The following NAV2 variants were observed in gnomAD, a reference collection of about 807,000 sequenced individuals.
NAV2 encodes neuron navigator 2.
Under a neutral mutation model 223.2 loss-of-function variants are expected in NAV2, and 54 were observed. The observed-to-expected ratio is 0.24, with a 90% CI of 0.19 to 0.30. The LOEUF is 0.30. NAV2 is among the 10% of genes least tolerant of loss of function. The probability of loss-of-function intolerance (pLI) is 1.00; values close to 1 mark genes in which losing one functional copy is unlikely to be tolerated. For synonymous variants in NAV2, 1,279 were observed against 1,239.3 expected, an observed-to-expected ratio of 1.03 and a Z score of -0.67; for missense variants, 2,806 against 3,147.5, an observed-to-expected ratio of 0.89 and a Z score of 2.60.
chr11:19,637,815 G>A (rs74329430), intron 1 of NAV2, among the ~76,000 whole-genome samples: 275 of 152,350 alleles, frequency 1.8e-3, no homozygotes, highest in African/African-American at 6.3e-3. Flanking sequence ...CCCAACACTG[G>A]GGATTACTTT....
intron 19 of NAV2, among the ~76,000 whole-genome samples, chr11:20,058,248 G>A (rs1216890623): frequency 1.3e-5 from 2 of 152,060 alleles, no homozygotes; most frequent in Non-Finnish European, 2.9e-5. Context: ...TGTATTATAC[G>A]CCATAAAGCA....
intron 3 of NAV2, among the ~76,000 whole-genome samples, chr11:19,852,950 C>T (rs972412948): frequency 2.0e-5 from 3 of 152,222 alleles, no homozygotes; most frequent in Non-Finnish European, 4.4e-5. Context: ...TCAGTCTCTT[C>T]TCTCACAATT....
chr11:19,832,152 A>G (rs1230887862), intron 1 of NAV2, among the ~76,000 whole-genome samples: 1 of 152,218 alleles, frequency 6.6e-6, no homozygotes. Context: ...GCTTGCATCT[A>G]GAGTCGCAGC....
intron 20 of NAV2, among the ~76,000 whole-genome samples, chr11:20,065,783 G>A (rs569878249): frequency 2.0e-5 from 3 of 152,310 alleles, no homozygotes; most frequent in East Asian, 1.9e-4. Flanking sequence ...CTATGTGGAT[G>A]GCTAAGCCTG....
intron 1 of NAV2, among the ~76,000 whole-genome samples, chr11:19,370,035 T>G (rs761503154): frequency 6.6e-6 from 1 of 152,176 alleles, no homozygotes; most frequent in Non-Finnish European, 1.5e-5. Flanking sequence ...TGTGTTTGGT[T>G]TGGGCAGAAT....
At chr11:19,403,983 A>G (rs917603674) in intron 1 of NAV2, among the ~76,000 whole-genome samples, 11 of 152,112 alleles carry the variant, frequency 7.2e-5, no homozygotes, top group Non-Finnish European at 1.3e-4. Flanking sequence ...TGCAAAGGCC[A>G]CGAGGTAGTA....
intron 1 of NAV2, among the ~76,000 whole-genome samples, chr11:19,724,008 G>C (rs1051055345): frequency 1.2e-4 from 18 of 152,222 alleles, no homozygotes; most frequent in African/African-American, 4.3e-4. Flanking sequence ...GACAAAACCA[G>C]ATTTAGAATA....
chr11:20,070,410 T>G (rs1457939021), intron 22 of NAV2, among the ~76,000 whole-genome samples: 2 of 152,202 alleles, frequency 1.3e-5, no homozygotes, highest in Non-Finnish European at 2.9e-5. Context: ...CCGGTGAACT[T>G]GGGTTAATTG....
At chr11:19,629,822 C>T (rs2047294310) in intron 1 of NAV2, among the ~76,000 whole-genome samples, 1 of 152,222 alleles carries the variant, frequency 6.6e-6, no homozygotes, top group South Asian at 2.1e-4. Flanking sequence ...TCAACCTCTG[C>T]TCTCACAGTG....
intron 1 of NAV2, among the ~76,000 whole-genome samples, chr11:19,493,283 G>A (rs1395763596): frequency 6.6e-6 from 1 of 151,888 alleles, no homozygotes; most frequent in Non-Finnish European, 1.5e-5. Context: ...CAATGAAGGT[G>A]ATTAAAGGCA....
intron 7 of NAV2, among the ~76,000 whole-genome samples, chr11:19,937,418 A>G (rs1436672427): frequency 1.3e-5 from 2 of 150,674 alleles, no homozygotes; most frequent in East Asian, 4.0e-4. Flanking sequence ...AAGATGGGTC[A>G]TTTTTTTAAA....
Position 19,980,136 on chromosome 11 carries a change from G to A in NAV2, c.2646-3989G>A, listed in dbSNP as rs142364766. Among the ~76,000 whole-genome samples the A allele has an allele frequency of 3.5e-4, 53 of 152,284 alleles. 1 individual carries two copies. Among genetic ancestry groups the A allele is most frequent in the African/African-American group, 1.2e-3 (51 of 41,570 alleles). ...TGTTCCTTAACCCTGATGCTCATGG[G>A]CCACCCCAGGGAAGCAAGAAAAACA... On this transcript the variant is annotated intron_variant, in intron 10 of 37. Coordinates refer to ENST00000349880, the MANE Select transcript of NAV2 (RefSeq NM_145117.5).
intron 3 of NAV2, among the ~76,000 whole-genome samples, chr11:19,856,005 T>C (rs1298392014): frequency 6.6e-6 from 1 of 152,184 alleles, no homozygotes; most frequent in Non-Finnish European, 1.5e-5. Flanking sequence ...GGAGGGAGAC[T>C]TCCTGATATG....
chr11:20,111,639 G>A (rs4757035), intron 36 of NAV2, among the ~76,000 whole-genome samples: 141,771 of 152,286 alleles, frequency 0.93, 66,691 homozygotes, highest in Non-Finnish European at 1. Flanking sequence ...AACTCAAAAG[G>A]CCTTTCTCTG....
intron 3 of NAV2, among the ~76,000 whole-genome samples, chr11:19,855,892 A>AT (rs1194751608): frequency 6.6e-6 from 1 of 152,214 alleles, no homozygotes; most frequent in African/African-American, 2.4e-5. Flanking sequence ...CCGGGATTTG[A>AT]TTTGAGTTTC....
chr11:19,907,524 TA>T (rs537718787), intron 6 of NAV2, among the ~76,000 whole-genome samples: 1,695 of 151,436 alleles, frequency 0.011, 50 homozygotes, highest in African/African-American at 0.039. Flanking sequence ...CTGCCACTCA[TA>T]GGGGGAGGGG....
chr11:19,459,928 T>A (rs1456980576), intron 1 of NAV2, among the ~76,000 whole-genome samples: 1 of 152,190 alleles, frequency 6.6e-6, no homozygotes, highest in East Asian at 1.9e-4. Flanking sequence ...GGGGAGAAGA[T>A]GCCCTTCCAA....
At chr11:19,831,318 G>A (rs1054456802) in intron 1 of NAV2, among the ~76,000 whole-genome samples, 3 of 151,254 alleles carry the variant, frequency 2.0e-5, no homozygotes, top group Admixed American at 2.0e-4. Context: ...TGGAGGGTGA[G>A]GATGAGACCA....
At chr11:19,686,472 G>A (rs1179970992) in intron 1 of NAV2, among the ~76,000 whole-genome samples, 2 of 152,134 alleles carry the variant, frequency 1.3e-5, no homozygotes, top group Admixed American at 1.3e-4. Flanking sequence ...CTCACAGGGA[G>A]GTACTCCAGG....
Sources: allele counts gnomAD v4.1 joint callset (sites outside exome capture counted in the v4.1 genomes callset), GRCh38; gene constraint gnomAD v4.1.1; transcripts MANE v1.5; gene names NCBI Gene and HGNC (gene_info 2026-07-23, HGNC 2026-07-21).